ATAD2B: variants seen among roughly 807,000 people sequenced by gnomAD.
The protein encoded by ATAD2B is ATPase family AAA domain containing 2B, also known as ATPase family AAA domain-containing protein 2B.
A neutral mutation model predicts 167.6 loss-of-function variants in ATAD2B; 40 were observed. The observed-to-expected ratio is 0.24, with a 90% CI of 0.19 to 0.31. The LOEUF is 0.31. Ranked by LOEUF, ATAD2B falls within the 10% of genes least tolerant of loss-of-function variation. The probability of loss-of-function intolerance (pLI) is 1.00; values close to 1 mark genes in which losing one functional copy is unlikely to be tolerated. For synonymous variants in ATAD2B, 579 were observed against 596.5 expected (o/e 0.97, Z 0.43); for missense variants, 1,242 against 1,757.2 (o/e 0.71, Z 5.24).
chr2:23,763,085 T>C (rs1411905149), intron 23 of ATAD2B, among the ~76,000 whole-genome samples: 21 of 152,124 alleles, frequency 1.4e-4, no homozygotes, highest in Admixed American at 1.4e-3. Flanking sequence ...TTCCTAAAGA[T>C]AGATCAAATT....
In ATAD2B at chr2:23,757,516, T is replaced by C. The variant is rs149617158; in HGVS notation, c.3980A>G (p.Asp1327Gly). The change falls in exon 25 of 28, where the codon GAT becomes GGT. Residue 1327 changes from aspartate (D) to glycine (G), a missense_variant. Asp to Gly is a moderately conservative substitution (Grantham distance 94). Coordinates refer to ENST00000238789, the MANE Select transcript of ATAD2B (RefSeq NM_017552.4). Reference sequence around the variant, plus strand: ...CAGTGCCTCTAGTTTCTCAAGATCATCTCCATGATTTTCAGTCGAAGTTTC... The same window carrying C: ...CAGTGCCTCTAGTTTCTCAAGATCACCTCCATGATTTTCAGTCGAAGTTTC... ...KPETSTENHG[D>G]DLEKLEALEC... 3 of 1,583,874 alleles carry C rather than the reference T, an allele frequency of 1.9e-6. No individual in the cohort carries two copies. Among genetic ancestry groups the C allele is most frequent in the Non-Finnish European group, 1.7e-6 (2 of 1,168,778 alleles).
chr2:23,719,313 A>C, the ATAD2B span, among the ~76,000 whole-genome samples: 1 of 152,366 alleles, frequency 6.6e-6, no homozygotes, highest in South Asian at 2.1e-4. Context: ...ACATACAAGG[A>C]ACTAGGAATA....
chr2:23,719,527 C>G, the ATAD2B span, among the ~76,000 whole-genome samples: 1 of 152,136 alleles, frequency 6.6e-6, no homozygotes, highest in Non-Finnish European at 1.5e-5. Flanking sequence ...TATCCCAGAA[C>G]TCATATATGA....
chr2:23,732,149 T>A, the ATAD2B span, among the ~76,000 whole-genome samples: 1 of 152,152 alleles, frequency 6.6e-6, no homozygotes, highest in Non-Finnish European at 1.5e-5. Context: ...AGTACCAATT[T>A]ATGAGAAATA....
chr2:23,716,191 T>C, the ATAD2B span, among the ~76,000 whole-genome samples: 6 of 152,356 alleles, frequency 3.9e-5, no homozygotes, highest in South Asian at 1.2e-3. Flanking sequence ...AGTGAAATTG[T>C]TAGAAAAGCT....
chr2:23,808,271 T>C (rs551437418), intron 18 of ATAD2B, among the ~76,000 whole-genome samples: 3 of 148,292 alleles, frequency 2.0e-5, no homozygotes, highest in East Asian at 2.0e-4. Context: ...TACATGAGAC[T>C]AGCCCAGCTC....
At chr2:23,745,476 G>T (rs1032806712), downstream of ATAD2B, among the ~76,000 whole-genome samples, 1 of 150,732 alleles carries the variant, frequency 6.6e-6, no homozygotes, top group African/African-American at 2.4e-5. Flanking sequence ...AAGGAAGGAA[G>T]GAAGACTTGA....
the ATAD2B span, chr2:23,693,282 G>A: frequency 8.3e-5 from 128 of 1,542,276 alleles, no homozygotes; most frequent in East Asian, 4.9e-5. Context: ...AGCAGCTGAC[G>A]GCCAGCAACT....
intron 13 of ATAD2B, 83 bp from the exon 14 acceptor site, chr2:23,834,161 T>TC (rs901186749): frequency 9.1e-6 from 8 of 883,256 alleles, no homozygotes; most frequent in Non-Finnish European, 1.1e-5. Context: ...TCTTTTTTTT[T>TC]TTTTTTTTTT....
rs1472480447 is a variant in ATAD2B, at chr2:23,926,712, C to A, written c.59G>T (p.Gly20Val). The A allele has an allele frequency of 6.5e-7, 1 of 1,550,054 alleles. No individual in the cohort carries two copies. Among genetic ancestry groups the A allele is most frequent in the Non-Finnish European group, 8.7e-7 (1 of 1,147,098 alleles). Reference sequence around the variant, plus strand: ...CTCTGCTCCGGCCCCAGGCCCAGGCCCGGGACCAGGAGACTTGGACCCGAG... The same window carrying A: ...CTCTGCTCCGGCCCCAGGCCCAGGCACGGGACCAGGAGACTTGGACCCGAG... ...RLLGSKSPGP[G>V]PGPGAGAEPG... The change falls in exon 1 of 28, where the codon GGG becomes GTG. Residue 20 changes from glycine to valine, a missense_variant. Transcript: ENST00000238789.
intron 22 of ATAD2B, among the ~76,000 whole-genome samples, chr2:23,775,545 T>C (rs759466971): frequency 6.6e-6 from 1 of 152,196 alleles, no homozygotes; most frequent in Non-Finnish European, 1.5e-5. Flanking sequence ...TATGTGATTT[T>C]AAAAGCTACA....
intron 7 of ATAD2B, among the ~76,000 whole-genome samples, chr2:23,876,370 C>T (rs896805055): frequency 5.3e-5 from 8 of 151,338 alleles, no homozygotes; most frequent in Admixed American, 1.3e-4. Context: ...GGCGCGATCT[C>T]GGCTCACTGC....
intron 12 of ATAD2B, among the ~76,000 whole-genome samples, chr2:23,862,400 G>GGTTTTTTTT: frequency 7.9e-6 from 1 of 126,566 alleles, no homozygotes; most frequent in Non-Finnish European, 1.7e-5. Flanking sequence ...TATTTGGACT[G>GGTTTTTTTT]GTTTTTTTTT....
rs191754177 is a variant in ATAD2B at position 23,857,805 on chromosome 2, G to A, written c.1480-302C>T. On this transcript the variant is annotated intron_variant, in intron 12 of 27. Coordinates refer to ENST00000238789, the MANE Select transcript of ATAD2B (RefSeq NM_017552.4). The stretch of plus-strand genomic sequence containing the variant: ...CACCCAGGCTGAAGTGCAGTGGCAC[G>A]ATCTCGGCTCACTACAAGCTCCGTC... Among the ~76,000 whole-genome samples, 436 of 141,110 alleles carry A rather than the reference G, an allele frequency of 3.1e-3. 12 individuals are homozygous for A. Among genetic ancestry groups the A allele is most frequent in the Non-Finnish European group, 9.1e-4 (61 of 66,698 alleles). The allele number at this position is 141,110 out of a possible 152,430, so 92.6% of individuals were successfully genotyped here.
intron 1 of ATAD2B, among the ~76,000 whole-genome samples, chr2:23,914,097 A>G (rs375664056): frequency 3.3e-5 from 5 of 152,214 alleles, no homozygotes; most frequent in East Asian, 1.9e-4. Flanking sequence ...AAAAAATTTT[A>G]AAAAACAAAA....
At chr2:23,875,733 T>A in intron 8 of ATAD2B, 96 bp downstream of exon 8, 1 of 817,374 alleles carries the variant, frequency 1.2e-6, no homozygotes, top group Non-Finnish European at 2.0e-6. Context: ...AGTAGCTAAA[T>A]AGGATGACAA....
chr2:23,901,340 A>G (rs1700808940), intron 1 of ATAD2B, among the ~76,000 whole-genome samples: 1 of 151,290 alleles, frequency 6.6e-6, no homozygotes, highest in Admixed American at 6.6e-5. Flanking sequence ...ATTCATCTTC[A>G]AGACCTATCT....
chr2:23,757,502 G>A lies in ATAD2B; in HGVS notation c.3994C>T (p.Leu1332=), dbSNP rs201513700. 6.4e-7 allele frequency: 1 copy of A among 1,568,546 alleles called. No homozygotes were observed. Among genetic ancestry groups the A allele is most frequent in the East Asian group, 2.3e-5 (1 of 44,442 alleles). The change falls in exon 25 of 28, where the codon CTA becomes TTA. Residue 1332 remains leucine, a synonymous_variant. Transcript: ENST00000238789. ...TENHGDDLEK[L]EALECSNNEK... ...TTATTGCTACATTCCAGTGCCTCTA[G>A]TTTCTCAAGATCATCTCCATGATTT...
rs1675740002 is a variant in ATAD2B, at chr2:23,754,630, G to A, written c.4206+17C>T. The A allele has an allele frequency of 6.2e-7, 1 of 1,603,302 alleles. No homozygotes were observed. The highest frequency in any genetic ancestry group is 1.7e-5 in the Admixed American group (1 of 57,520). ...CGTCCATTCATTTAAAACTTGACTGGGAATAGCTAAGCTTACCTTCAATCT... is the reference window on the plus strand; with the variant it reads ...CGTCCATTCATTTAAAACTTGACTGAGAATAGCTAAGCTTACCTTCAATCT... On this transcript the variant is annotated intron_variant, in intron 26 of 27. Coordinates refer to ENST00000238789, the MANE Select transcript of ATAD2B (RefSeq NM_017552.4).
Sources: allele counts gnomAD v4.1 joint callset (sites outside exome capture counted in the v4.1 genomes callset), GRCh38; gene constraint gnomAD v4.1.1; transcripts MANE v1.5; gene names NCBI Gene and HGNC (gene_info 2026-07-23, HGNC 2026-07-21).